The following SLC12A7 variants were observed in gnomAD, a reference collection of about 807,000 sequenced individuals.
SLC12A7 encodes solute carrier family 12 member 7.
In SLC12A7, 100 loss-of-function variants were observed where a neutral mutation model predicts 120.6. The ratio of observed to expected loss-of-function variants is 0.83; its 90% CI spans 0.71 to 0.98. SLC12A7 has a LOEUF of 0.98. SLC12A7 is among the 50% of genes least tolerant of loss of function. The pLI is 0.00. For missense variants in SLC12A7, 1,373 were observed against 1,548.1 expected, an observed-to-expected ratio of 0.89 and a Z score of 1.90; for synonymous variants, 760 against 678.0, an observed-to-expected ratio of 1.12 and a Z score of -1.88.
chr5:1,096,263 G>A (rs1741123019), intron 1 of SLC12A7, among the ~76,000 whole-genome samples: 1 of 152,164 alleles, frequency 6.6e-6, no homozygotes, highest in Non-Finnish European at 1.5e-5. Context: ...GGAGACCTGG[G>A]GCAGGGCAGG....
At position 1,077,711 on chromosome 5, in the gene SLC12A7, A is replaced by AG. The variant is rs1172591863; in HGVS notation, c.1629+121_1629+122insC. The AG allele has an allele frequency of 2.8e-6, 3 of 1,066,690 alleles. No homozygotes were observed. The African/African-American group carries it at 4.9e-5, about 18-fold the overall frequency. The allele number at this position is 1,066,690 out of a possible 1,614,324, so 66.1% of individuals were successfully genotyped here. Reference sequence around the variant, plus strand: ...CTGTGCAGTGGCCAGGGGCAGAATGACCACCATGGGGTCCAAGCCGCGGGC... The same window carrying AG: ...CTGTGCAGTGGCCAGGGGCAGAATGAGCCACCATGGGGTCCAAGCCGCGGGC... On this transcript the variant is annotated intron_variant, in intron 12 of 23. Transcript: ENST00000264930.
chr5:1,133,797 C>T, the SLC12A7 span, among the ~76,000 whole-genome samples: 1 of 152,146 alleles, frequency 6.6e-6, no homozygotes, highest in Admixed American at 6.5e-5. Flanking sequence ...GGTTCTCAGA[C>T]CCTGTAAATA....
Position 1,085,451 on chromosome 5 carries a change from G to C in SLC12A7, c.698C>G (p.Ala233Gly). Residue 233 changes from alanine to glycine, a missense_variant, in exon 7 of 24, where the codon GCC becomes GGC. By Grantham distance (60) the Ala-to-Gly change is moderately conservative. Coordinates refer to ENST00000264930, the MANE Select transcript of SLC12A7 (RefSeq NM_006598.3). ...IFLTYISPGA[A>G]IFQAEAAGGE... ...ACCTGCAGCCTCCGCCTGGAAGATG[G>C]CCGCACCCGGGGAGATGTACGTCTG... 1 of 1,608,278 alleles carries C rather than the reference G, an allele frequency of 6.2e-7. No individual in the cohort carries two copies. The highest frequency in any genetic ancestry group is 8.5e-7 in the Non-Finnish European group (1 of 1,178,012).
intron 20 of SLC12A7, among the ~76,000 whole-genome samples, chr5:1,060,750 C>T (rs918854594): frequency 4.6e-5 from 7 of 152,348 alleles, no homozygotes; most frequent in Admixed American, 1.3e-4. Flanking sequence ...CTGGCACACA[C>T]GGCTCAGGGC....
At chr5:1,065,994 C>G (rs1202642209) in intron 17 of SLC12A7, among the ~76,000 whole-genome samples, 2 of 152,136 alleles carry the variant, frequency 1.3e-5, no homozygotes, top group African/African-American at 4.8e-5. Flanking sequence ...TGTGTGCAGT[C>G]TCTTCCCAGG....
intron 18 of SLC12A7, 22 bp from the exon 19 acceptor site, chr5:1,064,274 C>A: frequency 6.3e-7 from 1 of 1,597,992 alleles, no homozygotes; most frequent in Non-Finnish European, 8.5e-7. Context: ...GGCGGCCGTC[C>A]GCAGGTCATC....
the SLC12A7 span, among the ~76,000 whole-genome samples, chr5:1,140,689 G>C: frequency 6.6e-6 from 1 of 152,252 alleles, no homozygotes; most frequent in Non-Finnish European, 1.5e-5. Context: ...CTGCTCACCA[G>C]GCAACGAGAG....
At chr5:1,077,247 T>C (rs10474879) in intron 12 of SLC12A7, among the ~76,000 whole-genome samples, 9,910 of 152,246 alleles carry the variant, frequency 0.065, 961 homozygotes, top group African/African-American at 0.21. Flanking sequence ...GGACTGAAGA[T>C]GCAACCACAC....
At chr5:1,100,892 G>C (rs1741950102) in intron 1 of SLC12A7, among the ~76,000 whole-genome samples, 1 of 152,180 alleles carries the variant, frequency 6.6e-6, no homozygotes, top group South Asian at 2.1e-4. Flanking sequence ...TGTGTCCTGG[G>C]ACAGAAAAGC....
chr5:1,103,941 A>G (rs1411267122), intron 1 of SLC12A7, among the ~76,000 whole-genome samples: 1 of 152,208 alleles, frequency 6.6e-6, no homozygotes, highest in African/African-American at 2.4e-5. Flanking sequence ...CCCTAGTTCC[A>G]GAGACTCGGG....
At position 1,051,130 on chromosome 5, in the gene SLC12A7, A is replaced by C. The variant is rs1734988908; in HGVS notation, c.*1230T>G. 2 of 391,556 alleles carry C rather than the reference A, an allele frequency of 5.1e-6. No homozygotes were observed. The highest frequency in any genetic ancestry group is 4.1e-5 in the African/African-American group (2 of 48,488). 24.3% of individuals were successfully genotyped at this position (391,556 alleles called of 1,614,324 possible). ...CCTGCAAATGTGACCACAACCTACA[A>C]AGCAGAAACTCACAGCCAGCCGAAG... On this transcript the variant is annotated 3_prime_UTR_variant, in exon 24 of 24. Transcript: ENST00000264930.
At chr5:1,095,209 A>G (rs1741005919) in intron 1 of SLC12A7, among the ~76,000 whole-genome samples, 1 of 152,198 alleles carries the variant, frequency 6.6e-6, no homozygotes, top group African/African-American at 2.4e-5. Flanking sequence ...AAACCTGCCC[A>G]GGCCTTGGTC....
chr5:1,096,751 A>G (rs1308045933), intron 1 of SLC12A7, among the ~76,000 whole-genome samples: 1 of 12,702 alleles, frequency 7.9e-5, no homozygotes, highest in African/African-American at 3.7e-4. Context: ...GAGGGAAGGA[A>G]GGAGGGAGGA....
chr5:1,082,800 AGGTTCTGGAAAGTCCAGGCTTCCCG>A (rs1739338366), intron 8 of SLC12A7, among the ~76,000 whole-genome samples: 9 of 58,898 alleles, frequency 1.5e-4, no homozygotes, highest in African/African-American at 3.9e-4. Context: ...TTCCCGTCTC[AGGTTCTGGAAAGTCCAGGCTTCCCG>A]TCTTGGGTTC....
chr5:1,154,692 A>G, the SLC12A7 span, among the ~76,000 whole-genome samples: 1 of 152,218 alleles, frequency 6.6e-6, no homozygotes, highest in African/African-American at 2.4e-5. Context: ...CATGTGTGAC[A>G]TACATGAACA....
At chr5:1,104,173 C>T (rs1002756873) in intron 1 of SLC12A7, among the ~76,000 whole-genome samples, 5 of 152,292 alleles carry the variant, frequency 3.3e-5, no homozygotes, top group East Asian at 1.9e-4. Context: ...CTGCCCAGGG[C>T]GTCTCTGAGC....
chr5:1,112,880 C>G (rs1424358688), upstream of SLC12A7, among the ~76,000 whole-genome samples: 3 of 131,970 alleles, frequency 2.3e-5, no homozygotes, highest in Admixed American at 7.4e-5. Context: ...GTCCCCCCCC[C>G]CACCCATGAC....
chr5:1,142,257 T>TC, the SLC12A7 span, among the ~76,000 whole-genome samples: 1 of 110,782 alleles, frequency 9.0e-6, no homozygotes, highest in African/African-American at 4.8e-5. Flanking sequence ...GAAGAAAACC[T>TC]CCCCCGTCTC....
At chr5:1,059,123 A>G (rs560275708) in intron 21 of SLC12A7, among the ~76,000 whole-genome samples, 2 of 152,312 alleles carry the variant, frequency 1.3e-5, no homozygotes, top group African/African-American at 4.8e-5. Flanking sequence ...CTGGACAGAA[A>G]ACAGAGGATG....
Sources: gnomAD v4.1 joint callset for allele counts (sites outside exome capture counted in the v4.1 genomes callset) on GRCh38, gnomAD v4.1.1 for gene constraint, MANE v1.5 for transcripts, NCBI Gene and HGNC (gene_info 2026-07-23, HGNC 2026-07-21) for gene names.